MTHFD2L: variants seen among roughly 807,000 people sequenced by gnomAD.
The protein encoded by MTHFD2L is methylenetetrahydrofolate dehydrogenase (NADP+ dependent) 2 like.
In MTHFD2L, 29 loss-of-function variants were observed where a neutral mutation model predicts 34.9. The ratio of observed to expected loss-of-function variants is 0.83; its 90% CI spans 0.62 to 1.13. MTHFD2L has a LOEUF of 1.13. MTHFD2L is among the 50% of genes most tolerant of loss of function. The pLI is 0.00. For synonymous variants in MTHFD2L, 167 were observed against 155.7 expected, an observed-to-expected ratio of 1.07 and a Z score of -0.54; for missense variants, 481 against 446.5, an observed-to-expected ratio of 1.08 and a Z score of -0.70.
At chr4:74,140,580 A>G (rs1723218529) in intron 1 of MTHFD2L, 1 of 973,016 alleles carries the variant, frequency 1.0e-6, no homozygotes, top group Non-Finnish European at 1.2e-6. Flanking sequence ...AAAAGGCAAT[A>G]TAATTCAAGG....
At chr4:74,264,765 A>G (rs1745091022) in intron 6 of MTHFD2L, among the ~76,000 whole-genome samples, 1 of 152,008 alleles carries the variant, frequency 6.6e-6, no homozygotes, top group Non-Finnish European at 1.5e-5. Context: ...AGCAGCGTTA[A>G]TATTAATGGA....
chr4:74,133,922 G>A (rs1000946961), intron 1 of MTHFD2L, among the ~76,000 whole-genome samples: 2 of 152,130 alleles, frequency 1.3e-5, no homozygotes, highest in African/African-American at 2.4e-5. Context: ...GTATGAGGAT[G>A]AGACAGTTCC....
intron 6 of MTHFD2L, among the ~76,000 whole-genome samples, chr4:74,259,964 G>A (rs1178188638): frequency 6.6e-6 from 1 of 152,194 alleles, no homozygotes; most frequent in African/African-American, 2.4e-5. Context: ...CAGAGAGACA[G>A]GGAAAGATAA....
intron 1 of MTHFD2L, among the ~76,000 whole-genome samples, chr4:74,132,369 A>AAAATG (rs1722582210): frequency 6.6e-6 from 1 of 152,220 alleles, no homozygotes; most frequent in Admixed American, 6.5e-5. Context: ...TTGGATAAAG[A>AAAATG]AAATGTGGCA....
rs372906934 is a variant in MTHFD2L, at chr4:74,225,340, A to G, written c.751A>G (p.Lys251Glu). The change falls in exon 6 of 8, where the codon AAA becomes GAA. Residue 251 changes from lysine (K) to glutamate (E), a missense_variant. By Grantham distance (56) the Lys-to-Glu change is moderately conservative. Coordinates refer to ENST00000325278, the MANE Select transcript of MTHFD2L (RefSeq NM_001144978.3). ...TVTIAHRYTP[K>E]EQLKIHTQLA... ...GACAATAGCTCACAGATACACCCCC[A>G]AAGAGCAACTGAAGATTCATACGCA... 4.0e-5 allele frequency: 64 copies of G among 1,613,120 alleles called. No homozygotes were observed. The highest frequency in any genetic ancestry group is 6.7e-5 in the Admixed American group (4 of 59,924).
chr4:74,233,631 CT>C (rs1187799078), intron 6 of MTHFD2L, among the ~76,000 whole-genome samples: 2 of 152,184 alleles, frequency 1.3e-5, no homozygotes, highest in East Asian at 3.9e-4. Flanking sequence ...AAGACTTTAA[CT>C]TTCTAATACT....
At chr4:74,143,242 G>C (rs1723385225) in intron 1 of MTHFD2L, among the ~76,000 whole-genome samples, 3 of 4,568 alleles carry the variant, frequency 6.6e-4, no homozygotes, top group Admixed American at 0.013. Context: ...AGAGGAGCTG[G>C]AAAGCATACG....
intron 7 of MTHFD2L, among the ~76,000 whole-genome samples, chr4:74,284,359 A>T (rs1189235120): frequency 6.6e-6 from 1 of 152,146 alleles, no homozygotes; most frequent in East Asian, 1.9e-4. Flanking sequence ...CATAGAAAAG[A>T]TGCTTGCTCC....
chr4:74,206,447 C>G (rs1336805364), intron 5 of MTHFD2L, among the ~76,000 whole-genome samples: 2 of 151,958 alleles, frequency 1.3e-5, no homozygotes, highest in Non-Finnish European at 2.9e-5. Context: ...CCTGGAACTT[C>G]TAAGAAGGCA....
At chr4:74,256,428 G>T (rs1314792249) in intron 6 of MTHFD2L, among the ~76,000 whole-genome samples, 1 of 152,036 alleles carries the variant, frequency 6.6e-6, no homozygotes, top group Non-Finnish European at 1.5e-5. Context: ...GTTTATTTTT[G>T]TTGCGATTGC....
chr4:74,284,851 A>G (rs1176673965), intron 7 of MTHFD2L, among the ~76,000 whole-genome samples: 1 of 152,112 alleles, frequency 6.6e-6, no homozygotes, highest in Non-Finnish European at 1.5e-5. Flanking sequence ...TATATACCCA[A>G]AGGACTATAA....
At chr4:74,241,193 A>G (rs1741658400) in intron 6 of MTHFD2L, among the ~76,000 whole-genome samples, 1 of 152,268 alleles carries the variant, frequency 6.6e-6, no homozygotes, top group African/African-American at 2.4e-5. Flanking sequence ...TACTTTTACC[A>G]TTATCAAATG....
chr4:74,145,763 C>T (rs957521270), intron 1 of MTHFD2L, among the ~76,000 whole-genome samples: 9 of 152,116 alleles, frequency 5.9e-5, no homozygotes, highest in African/African-American at 2.2e-4. Flanking sequence ...TGGATTAGCA[C>T]CATCCCCCAC....
chr4:74,129,453 A>G (rs1027413963), intron 1 of MTHFD2L, among the ~76,000 whole-genome samples: 2 of 152,088 alleles, frequency 1.3e-5, no homozygotes, highest in African/African-American at 4.8e-5. Context: ...TCAAAACCAC[A>G]CAACTACATG....
At chr4:74,208,317 A>AAATTTCAGTGTCTTCTG (rs1437005975) in intron 5 of MTHFD2L, among the ~76,000 whole-genome samples, 4 of 152,154 alleles carry the variant, frequency 2.6e-5, no homozygotes, top group Non-Finnish European at 4.4e-5. Context: ...AGTGTCTTCT[A>AAATTTCAGTGTCTTCTG]AATTCTAAAT....
At position 74,138,637 on chromosome 4, in the gene MTHFD2L, C is replaced by G. The variant is rs573514071; in HGVS notation, c.-297+13120C>G. Among the ~76,000 whole-genome samples, 3 of 152,274 alleles carry G rather than the reference C, an allele frequency of 2.0e-5. No homozygotes were observed. In the South Asian group the frequency reaches 6.2e-4, roughly 32 times the overall value. ...GATCAGGAGCGCAGCAGACACCCTG[C>G]TGGATCCGGAGGAGTGGAAGTCAAT... is the stretch of plus-strand genomic sequence containing the variant. On this transcript the variant is annotated intron_variant, in intron 1 of 7. Transcript: ENST00000433372.
At chr4:74,235,063 G>C (rs956757197) in intron 6 of MTHFD2L, among the ~76,000 whole-genome samples, 32 of 152,214 alleles carry the variant, frequency 2.1e-4, no homozygotes, top group African/African-American at 7.7e-4. Flanking sequence ...AAAATGACAG[G>C]TGCCTGTCTG....
At chr4:74,266,840 T>C in intron 6 of MTHFD2L, 1 of 985,254 alleles carries the variant, frequency 1.0e-6, no homozygotes, top group Non-Finnish European at 1.2e-6. Context: ...AATCTAAGAC[T>C]GCATAAGAGG....
chr4:74,118,136 C>A (rs921350141), intron 2 of MTHFD2L, among the ~76,000 whole-genome samples: 3 of 152,090 alleles, frequency 2.0e-5, no homozygotes, highest in South Asian at 4.1e-4. Context: ...TATTAAATAA[C>A]ATTATTAAGT....
Sources: gnomAD v4.1 joint callset for allele counts (sites outside exome capture counted in the v4.1 genomes callset) on GRCh38, gnomAD v4.1.1 for gene constraint, MANE v1.5 for transcripts, NCBI Gene and HGNC (gene_info 2026-07-23, HGNC 2026-07-21) for gene names.